WWC2: variants seen among roughly 807,000 people sequenced by gnomAD.
The protein encoded by WWC2 is WW and C2 domain containing 2.
In WWC2, 101 loss-of-function variants were observed where a neutral mutation model predicts 138.5. The observed-to-expected ratio is 0.73, with a 90% CI of 0.62 to 0.86. The LOEUF (loss-of-function observed/expected upper bound fraction) is 0.86. Among genes scored for constraint, WWC2 ranks in the 40% least tolerant of loss-of-function variants. The probability of loss-of-function intolerance (pLI) is 0.00; values close to 1 mark genes in which losing one functional copy is unlikely to be tolerated. For synonymous variants in WWC2, 558 were observed against 538.4 expected (o/e 1.04, Z -0.50); for missense variants, 1,420 against 1,419.4 (o/e 1.00, Z -0.01).
At chr4:183,239,206 T>C (rs954839724) in intron 4 of WWC2, among the ~76,000 whole-genome samples, 1 of 151,916 alleles carries the variant, frequency 6.6e-6, no homozygotes, top group Non-Finnish European at 1.5e-5. Flanking sequence ...TCCCAGCTAC[T>C]CTGGATGCTG....
intron 16 of WWC2, among the ~76,000 whole-genome samples, chr4:183,271,689 C>T (rs994766279): frequency 6.6e-5 from 10 of 152,106 alleles, no homozygotes; most frequent in Non-Finnish European, 8.8e-5. Context: ...ACATCAATAG[C>T]CATAAGTATT....
chr4:183,165,609 A>C (rs1446947338), intron 1 of WWC2, among the ~76,000 whole-genome samples: 1 of 152,168 alleles, frequency 6.6e-6, no homozygotes, highest in African/African-American at 2.4e-5. Flanking sequence ...ATTTCCTGTT[A>C]CATAAATGCT....
intron 9 of WWC2, among the ~76,000 whole-genome samples, chr4:183,255,065 C>A (rs191302356): frequency 6.0e-4 from 92 of 152,336 alleles, no homozygotes; most frequent in Non-Finnish European, 2.6e-4. Flanking sequence ...GAGTTGACTT[C>A]TGTGGGTTAA....
chr4:183,266,972 G>A lies in WWC2; in HGVS notation c.2207+1021G>A, dbSNP rs150710132. 8.0e-4 allele frequency among the ~76,000 whole-genome samples: 122 copies of A among 151,650 alleles called. 4 individuals are homozygous for A. In the South Asian group the frequency reaches 0.025, roughly 31 times the overall value. On this transcript the variant is annotated intron_variant, in intron 14 of 22. Transcript: ENST00000403733. ...ATCAGAAAGAAGAAACTGGATCTAA[G>A]AGAAAAAGAACTAGATAGAAATTAT...
chr4:183,190,469 A>C (rs1001422389), intron 1 of WWC2, among the ~76,000 whole-genome samples: 2 of 152,128 alleles, frequency 1.3e-5, no homozygotes, highest in Non-Finnish European at 2.9e-5. Flanking sequence ...TTTGTTTGGA[A>C]CCTGAGAATG....
Position 183,261,416 on chromosome 4 carries a change from G to A in WWC2, c.1793G>A (p.Ser598Asn), listed in dbSNP as rs567011553. The A allele has an allele frequency of 1.2e-6, 2 of 1,612,738 alleles. No individual in the cohort carries two copies. The highest frequency in any genetic ancestry group is 1.7e-5 in the Admixed American group (1 of 59,860). Reference sequence around the variant, plus strand: ...TTGAGTAGCCATTTTGCAGATATCAGCCTCATCGAAAATCAGATTTTGCTG... The same window carrying A: ...TTGAGTAGCCATTTTGCAGATATCAACCTCATCGAAAATCAGATTTTGCTG... ...CELSSHFADI[S>N]LIENQILLDS... The change falls in exon 11 of 23, where the codon AGC becomes AAC. Residue 598 changes from serine (S) to asparagine (N), a missense_variant. Physicochemically the swap from Ser to Asn is conservative, Grantham distance 46 (BLOSUM62 1). Coordinates refer to ENST00000403733, the MANE Select transcript of WWC2 (RefSeq NM_024949.6).
At chr4:183,253,653 G>A in intron 8 of WWC2, 104 bp from the exon 9 acceptor site, 7 of 1,414,616 alleles carry the variant, frequency 4.9e-6, no homozygotes, top group Non-Finnish European at 6.6e-6. Context: ...GGTCAAGTTA[G>A]GAAAATCTGG....
intron 21 of WWC2, among the ~76,000 whole-genome samples, chr4:183,307,613 A>C (rs949580777): frequency 1.3e-5 from 2 of 152,232 alleles, no homozygotes; most frequent in African/African-American, 4.8e-5. Context: ...GATTTATCCC[A>C]GGTGTGCAAG....
intron 14 of WWC2, 59 bp from the exon 15 acceptor site, chr4:183,268,912 C>A: frequency 6.9e-7 from 1 of 1,452,654 alleles, no homozygotes; most frequent in Non-Finnish European, 9.4e-7. Context: ...CAAATGATAG[C>A]TGTGAATCTG....
chr4:183,222,575 A>G lies in WWC2; in HGVS notation c.522+13550A>G, dbSNP rs569432373. 2.3e-4 allele frequency among the ~76,000 whole-genome samples: 35 copies of G among 152,310 alleles called. No homozygotes were observed. In the South Asian group the frequency reaches 7.3e-3, roughly 32 times the overall value. On this transcript the variant is annotated intron_variant, in intron 4 of 22. Transcript: ENST00000403733. ...AAAATAGAAACAATATAAGGATGCA[A>G]TATCAAAATCCTAATTTGGGGATGT...
intron 2 of WWC2, among the ~76,000 whole-genome samples, chr4:183,203,135 C>G (rs544783188): frequency 8.6e-5 from 13 of 150,622 alleles, no homozygotes; most frequent in Non-Finnish European, 1.8e-4. Context: ...TTCCAGTATT[C>G]GTATTCTTAT....
intron 1 of WWC2, among the ~76,000 whole-genome samples, chr4:183,121,686 A>G (rs1414418999): frequency 6.6e-6 from 1 of 151,630 alleles, no homozygotes; most frequent in East Asian, 1.9e-4. Context: ...AATAGTTTAT[A>G]TTTGTTATAG....
chr4:183,288,582 T>A (rs1254697475), intron 20 of WWC2, among the ~76,000 whole-genome samples: 2 of 152,206 alleles, frequency 1.3e-5, no homozygotes, highest in African/African-American at 4.8e-5. Context: ...TTCCTCTCGC[T>A]TAAGGCCTCA....
At chr4:183,230,704 A>G (rs541744738) in intron 4 of WWC2, among the ~76,000 whole-genome samples, 77 of 152,284 alleles carry the variant, frequency 5.1e-4, no homozygotes, top group African/African-American at 1.8e-3. Flanking sequence ...AATAGAAAAC[A>G]TGGCTATAAT....
chr4:183,259,757 G>T (rs1324165700), intron 10 of WWC2, 29 bp downstream of exon 10: 74 of 1,418,208 alleles, frequency 5.2e-5, no homozygotes, highest in Admixed American at 1.1e-4. Context: ...TGAGGGGAAA[G>T]CTTTTCTCCG....
At chr4:183,207,492 A>G (rs1330681698) in intron 2 of WWC2, among the ~76,000 whole-genome samples, 1 of 152,232 alleles carries the variant, frequency 6.6e-6, no homozygotes, top group Non-Finnish European at 1.5e-5. Context: ...TTCTGTCATT[A>G]CTGTTGCGGA....
intron 21 of WWC2, among the ~76,000 whole-genome samples, chr4:183,302,533 C>G (rs955867315): frequency 1.3e-5 from 2 of 151,940 alleles, no homozygotes; most frequent in Admixed American, 6.6e-5. Context: ...CTCTCTCTCT[C>G]TGTCAGGTAC....
intron 1 of WWC2, among the ~76,000 whole-genome samples, chr4:183,155,221 A>AGAGAGAGAGAGAGAGT (rs61543148): frequency 1.2e-3 from 159 of 135,264 alleles, no homozygotes; most frequent in Middle Eastern, 3.7e-3. Context: ...AGAGAGAGAG[A>AGAGAGAGAGAGAGAGT]GAGTTAGTTG....
chr4:183,284,469 A>G (rs922447690), intron 19 of WWC2, 79 bp downstream of exon 19: 28 of 1,533,484 alleles, frequency 1.8e-5, no homozygotes, highest in Non-Finnish European at 2.1e-5. Context: ...GCAAAGGACA[A>G]GAGACTGTGC....
Sources: allele counts gnomAD v4.1 joint callset (sites outside exome capture counted in the v4.1 genomes callset), GRCh38; gene constraint gnomAD v4.1.1; transcripts MANE v1.5; gene names NCBI Gene and HGNC (gene_info 2026-07-23, HGNC 2026-07-21).